Variants in EYA1 observed in about 807,000 individuals in gnomAD.
EYA1 encodes the protein EYA transcriptional coactivator and phosphatase 1, also known as protein phosphatase EYA1.
Under a neutral mutation model 82.0 loss-of-function variants are expected in EYA1, and 16 were observed. The observed-to-expected ratio is 0.20, with a 90% CI of 0.13 to 0.30. The LOEUF (loss-of-function observed/expected upper bound fraction) is 0.30. Among genes scored for constraint, EYA1 ranks in the 10% least tolerant of loss-of-function variants. The pLI is 1.00. For synonymous variants in EYA1, 261 were observed against 264.4 expected, an observed-to-expected ratio of 0.99 and a Z score of 0.12; for missense variants, 633 against 730.7, an observed-to-expected ratio of 0.87 and a Z score of 1.54.
chr8:71,386,592 A>T (rs1828979179), intron 2 of EYA1, among the ~76,000 whole-genome samples: 1 of 152,232 alleles, frequency 6.6e-6, no homozygotes, highest in African/African-American at 2.4e-5. Context: ...AAAAAGCAGA[A>T]TGGTTGACTC....
rs141387328 is a variant in EYA1 at position 71,541,842 on chromosome 8, G to T, written c.-72-5994C>A. On this transcript the variant is annotated intron_variant, in intron 1 of 18. Transcript: ENST00000643681. ...CTGCATGCACTGAATTTAGGGCATT[G>T]CTAGTCTTCTTCAAACGTTGTTTTG... Among the ~76,000 whole-genome samples the T allele has an allele frequency of 8.5e-4, 129 of 152,278 alleles. 1 individual carries two copies. Among genetic ancestry groups the T allele is most frequent in the African/African-American group, 3.0e-3 (125 of 41,556 alleles).
At chr8:71,432,026 G>A (rs1805656654) in intron 2 of EYA1, among the ~76,000 whole-genome samples, 1 of 152,130 alleles carries the variant, frequency 6.6e-6, no homozygotes, top group Non-Finnish European at 1.5e-5. Context: ...ACTAGTCTCA[G>A]TTACACAAGA....
chr8:71,292,317 C>T (rs1271704018), intron 9 of EYA1, among the ~76,000 whole-genome samples: 1 of 151,878 alleles, frequency 6.6e-6, no homozygotes, highest in East Asian at 1.9e-4. Flanking sequence ...TTCCCTTCCT[C>T]TATTTTGATC....
chr8:71,412,604 C>T (rs1419448208), intron 2 of EYA1, among the ~76,000 whole-genome samples: 1 of 151,934 alleles, frequency 6.6e-6, no homozygotes, highest in Non-Finnish European at 1.5e-5. Context: ...ATGGCTGAAG[C>T]AAGGCAATGA....
intron 2 of EYA1, among the ~76,000 whole-genome samples, chr8:71,395,663 GC>G: frequency 6.6e-6 from 1 of 152,184 alleles, no homozygotes; most frequent in Non-Finnish European, 1.5e-5. Flanking sequence ...CGGTGGATAA[GC>G]TTTTTGATGT....
chr8:71,450,478 C>T (rs1053209724), intron 2 of EYA1, among the ~76,000 whole-genome samples: 11 of 152,130 alleles, frequency 7.2e-5, no homozygotes, highest in African/African-American at 1.4e-4. Flanking sequence ...TTAAGTTCAT[C>T]GTCTTATATG....
At chr8:71,296,993 T>A (rs989839718) in intron 9 of EYA1, among the ~76,000 whole-genome samples, 1 of 152,190 alleles carries the variant, frequency 6.6e-6, no homozygotes, top group Non-Finnish European at 1.5e-5. Flanking sequence ...TTTCCACTTC[T>A]AATTATGCAA....
chr8:71,276,879 T>G (rs1409976782), intron 9 of EYA1, among the ~76,000 whole-genome samples: 1 of 152,156 alleles, frequency 6.6e-6, no homozygotes, highest in Non-Finnish European at 1.5e-5. Flanking sequence ...CTCAGTTTTT[T>G]CATTTGTAAA....
chr8:71,388,483 T>C (rs1389372191), intron 2 of EYA1, among the ~76,000 whole-genome samples: 1 of 152,208 alleles, frequency 6.6e-6, no homozygotes, highest in Non-Finnish European at 1.5e-5. Flanking sequence ...ACAAGGTGCT[T>C]ATTATCATGA....
intron 2 of EYA1, among the ~76,000 whole-genome samples, chr8:71,528,812 G>A (rs1814018963): frequency 1.3e-5 from 2 of 152,162 alleles, no homozygotes; most frequent in Admixed American, 1.3e-4. Context: ...ATGCAAGAAA[G>A]GTATTATTAT....
chr8:71,343,993 T>C (rs1176227137), intron 3 of EYA1, among the ~76,000 whole-genome samples: 1 of 152,226 alleles, frequency 6.6e-6, no homozygotes, highest in East Asian at 1.9e-4. Flanking sequence ...CATGTTACTA[T>C]ATTTGCTTTT....
At chr8:71,398,106 C>T (rs957766004) in intron 2 of EYA1, among the ~76,000 whole-genome samples, 3 of 152,266 alleles carry the variant, frequency 2.0e-5, no homozygotes, top group Admixed American at 1.3e-4. Flanking sequence ...GTGCATGTGT[C>T]ACGTAGTTCT....
At chr8:71,375,173 C>G (rs1290791633) in intron 2 of EYA1, among the ~76,000 whole-genome samples, 1 of 151,984 alleles carries the variant, frequency 6.6e-6, no homozygotes, top group East Asian at 1.9e-4. Context: ...AAAGTAACTA[C>G]AGAAGATGAT....
intron 2 of EYA1, among the ~76,000 whole-genome samples, chr8:71,407,269 G>A (rs1830305586): frequency 7.2e-6 from 1 of 138,924 alleles, no homozygotes; most frequent in African/African-American, 2.7e-5. Context: ...CCACAAAGAT[G>A]GGGAAAAAAC....
chr8:71,398,050 C>A (rs897646229), intron 2 of EYA1, among the ~76,000 whole-genome samples: 6 of 152,140 alleles, frequency 3.9e-5, no homozygotes, highest in Non-Finnish European at 8.8e-5. Flanking sequence ...GGTTTTCAAT[C>A]ACTGACACCC....
chr8:71,374,362 G>T (rs1170445095), intron 2 of EYA1, among the ~76,000 whole-genome samples: 2 of 152,036 alleles, frequency 1.3e-5, no homozygotes, highest in Non-Finnish European at 2.9e-5. Flanking sequence ...CATACAAATG[G>T]CCAACATGTA....
chr8:71,346,211 C>T (rs1825687049), intron 3 of EYA1, among the ~76,000 whole-genome samples: 1 of 152,042 alleles, frequency 6.6e-6, no homozygotes, highest in Non-Finnish European at 1.5e-5. Flanking sequence ...TGTCCTCCTC[C>T]TCTGTAGAAT....
At chr8:71,386,220 T>C (rs764685889) in intron 2 of EYA1, among the ~76,000 whole-genome samples, 3 of 152,196 alleles carry the variant, frequency 2.0e-5, no homozygotes, top group Non-Finnish European at 4.4e-5. Flanking sequence ...AGATCAGCAC[T>C]GTCTCCAAGA....
At chr8:71,334,276 C>A (rs1187771529) in intron 3 of EYA1, 102 bp from the exon 4 acceptor site, 1 of 959,724 alleles carries the variant, frequency 1.0e-6, no homozygotes, top group Non-Finnish European at 1.7e-6. Flanking sequence ...AAAATCATTT[C>A]AAAAAACATT....
Sources: gnomAD v4.1 joint callset for allele counts (sites outside exome capture counted in the v4.1 genomes callset) on GRCh38, gnomAD v4.1.1 for gene constraint, MANE v1.5 for transcripts, NCBI Gene and HGNC (gene_info 2026-07-23, HGNC 2026-07-21) for gene names.